Variants in HLCS observed in about 807,000 individuals in gnomAD.
HLCS encodes holocarboxylase synthetase, also known as biotin--protein ligase.
HLCS carries 53 observed loss-of-function variants against 75.0 expected under a neutral mutation model. The ratio of observed to expected loss-of-function variants is 0.71; its 90% CI spans 0.57 to 0.89. The LOEUF is 0.89. Among genes scored for constraint, HLCS ranks in the 40% least tolerant of loss-of-function variants. HLCS has a pLI of 0.00. For missense variants in HLCS, 966 were observed against 1,074.0 expected (o/e 0.90, Z 1.41); for synonymous variants, 431 against 428.6 (o/e 1.01, Z -0.07).
At chr21:36,826,374 C>T (rs771178140) in intron 6 of HLCS, among the ~76,000 whole-genome samples, 4 of 152,182 alleles carry the variant, frequency 2.6e-5, no homozygotes, top group African/African-American at 4.8e-5. Flanking sequence ...GTACTCGCTA[C>T]ACTGATGGCA....
At chr21:36,973,731 C>CT (rs2068857813) in intron 1 of HLCS, 2 of 152,336 alleles carry the variant, frequency 1.3e-5, no homozygotes, top group African/African-American at 4.8e-5. Flanking sequence ...TGGCTCATGC[C>CT]TGTAATCCCG....
rs1385743487 is a variant in HLCS, at chr21:36,754,127, G to A, written c.*119C>T. The A allele has an allele frequency of 2.7e-6, 3 of 1,108,376 alleles. No homozygotes were observed. Among genetic ancestry groups the A allele is most frequent in the Non-Finnish European group, 3.9e-6 (3 of 760,198 alleles). The allele number at this position is 1,108,376 out of a possible 1,614,324, so 68.7% of individuals were successfully genotyped here. ...AAACCTAAAAACAAACAGAAACACA[G>A]AAAAAGAACAAAGACTTAACAAATG... On this transcript the variant is annotated 3_prime_UTR_variant, in exon 11 of 11. Transcript: ENST00000674895.
intron 5 of HLCS, among the ~76,000 whole-genome samples, chr21:36,926,261 G>A (rs1282190416): frequency 4.6e-5 from 7 of 152,208 alleles, no homozygotes; most frequent in African/African-American, 1.7e-4. Context: ...ACCCACAGAA[G>A]CAAAGGGACA....
intron 5 of HLCS, among the ~76,000 whole-genome samples, chr21:36,911,748 C>CA (rs11287408): frequency 0.013 from 642 of 47,586 alleles, 9 homozygotes; most frequent in African/African-American, 0.03. Context: ...GACTCCGTCT[C>CA]AAAAAAAAAA....
chr21:36,990,160 C>T (rs952862598), exon 1 of HLCS: 2 of 152,504 alleles, frequency 1.3e-5, no homozygotes, highest in African/African-American at 4.8e-5. Flanking sequence ...CGACTTACTT[C>T]TGAGGCCGAA....
intron 6 of HLCS, among the ~76,000 whole-genome samples, chr21:36,787,518 C>T (rs1485634837): frequency 6.6e-6 from 1 of 152,146 alleles, no homozygotes; most frequent in Non-Finnish European, 1.5e-5. Flanking sequence ...TGCCATGCTG[C>T]GTGGGATGCC....
At chr21:36,984,624 CAG>C (rs1303617228) in intron 1 of HLCS, among the ~76,000 whole-genome samples, 1 of 152,096 alleles carries the variant, frequency 6.6e-6, no homozygotes, top group Non-Finnish European at 1.5e-5. Context: ...CACATGGACA[CAG>C]AGAGTGGAAT....
intron 6 of HLCS, among the ~76,000 whole-genome samples, chr21:36,835,171 A>T (rs556993470): frequency 6.6e-6 from 1 of 152,288 alleles, no homozygotes; most frequent in East Asian, 1.9e-4. Context: ...GGATTCCAAG[A>T]CGTCTGATTC....
intron 6 of HLCS, among the ~76,000 whole-genome samples, chr21:36,891,592 C>G (rs1261917602): frequency 2.0e-5 from 3 of 152,162 alleles, no homozygotes; most frequent in Non-Finnish European, 2.9e-5. Context: ...TGATCGAGTC[C>G]TGACCTTCTA....
intron 6 of HLCS, among the ~76,000 whole-genome samples, chr21:36,869,210 C>T (rs1486030441): frequency 2.0e-5 from 3 of 151,976 alleles, no homozygotes; most frequent in Admixed American, 6.6e-5. Context: ...CTGCAAGCTC[C>T]GCCTTCCAGG....
intron 6 of HLCS, among the ~76,000 whole-genome samples, chr21:36,767,535 C>G (rs139196501): frequency 1.5e-3 from 231 of 152,240 alleles, no homozygotes; most frequent in Middle Eastern, 6.8e-3. Context: ...TGCGAGGGGG[C>G]GTGTGTACCT....
intron 6 of HLCS, among the ~76,000 whole-genome samples, chr21:36,882,714 G>T (rs1359435334): frequency 6.7e-6 from 1 of 149,274 alleles, no homozygotes; most frequent in Non-Finnish European, 1.5e-5. Context: ...ACCCACCTCG[G>T]CCTCCCAAAG....
chr21:36,907,948 T>A (rs899204324), intron 5 of HLCS, among the ~76,000 whole-genome samples: 3 of 151,946 alleles, frequency 2.0e-5, no homozygotes, highest in South Asian at 2.1e-4. Flanking sequence ...TAGATACCAC[T>A]ATACATCCAC....
chr21:36,949,087 C>A (rs1019578813), intron 2 of HLCS, among the ~76,000 whole-genome samples: 1 of 152,208 alleles, frequency 6.6e-6, no homozygotes, highest in Non-Finnish European at 1.5e-5. Context: ...CCTCATCCCC[C>A]CATTCCACTG....
Position 36,930,328 on chromosome 21 carries a change from G to A in HLCS, c.1543C>T (p.Leu515=), listed in dbSNP as rs780891479. Residue 515 remains leucine, a synonymous_variant, in exon 5 of 11, where the codon CTG becomes TTG. Coordinates refer to ENST00000674895, the MANE Select transcript of HLCS (RefSeq NM_001352514.2). ...FRRYEVLREI[L]TTLGLSCDMK... Reference sequence around the variant, plus strand: ...TCACAGCTGAGGCCAAGGGTTGTCAGAATCTCTCTAAGGACTTCGTATCTT... The same window carrying A: ...TCACAGCTGAGGCCAAGGGTTGTCAAAATCTCTCTAAGGACTTCGTATCTT... 6.2e-7 allele frequency: 1 copy of A among 1,614,074 alleles called. No homozygotes were observed. Among genetic ancestry groups the A allele is most frequent in the Non-Finnish European group, 8.5e-7 (1 of 1,179,988 alleles).
intron 6 of HLCS, among the ~76,000 whole-genome samples, chr21:36,820,437 C>T (rs929313412): frequency 2.9e-4 from 44 of 152,352 alleles, no homozygotes; most frequent in African/African-American, 8.4e-4. Context: ...CCCACAGGCT[C>T]AGAAGTGCCT....
chr21:36,911,561 G>A (rs910688636), intron 5 of HLCS, among the ~76,000 whole-genome samples: 6 of 151,792 alleles, frequency 4.0e-5, no homozygotes, highest in South Asian at 2.1e-4. Flanking sequence ...TGGCTAACAC[G>A]GTGAAACCCC....
Position 36,879,995 on chromosome 21 carries a change from C to T in HLCS, c.1892+16865G>A, listed in dbSNP as rs186301399. ...TTGCCCAGTATCTGGTGCTCAGACACATCCACAACACTGCAGAGGGCATTC... is the reference window on the plus strand; with the variant it reads ...TTGCCCAGTATCTGGTGCTCAGACATATCCACAACACTGCAGAGGGCATTC... On this transcript the variant is annotated intron_variant, in intron 6 of 10. Transcript: ENST00000674895. Among the ~76,000 whole-genome samples the T allele has an allele frequency of 2.6e-5, 4 of 151,992 alleles. No homozygotes were observed. In the East Asian group the frequency reaches 7.7e-4, roughly 29 times the overall value.
chr21:36,937,297 C>T lies in HLCS; in HGVS notation c.589G>A (p.Glu197Lys), dbSNP rs2066937864. Reference protein sequence around the residue: ...ILEPKPEPSLEIKPEQDGMEH... With the variant: ...ILEPKPEPSLKIKPEQDGMEH... Reference sequence around the variant, plus strand: ...ATACCGTCCTGCTCAGGCTTAATCTCAAGAGAAGGTTCAGGCTTCGGCTCT... The same window carrying T: ...ATACCGTCCTGCTCAGGCTTAATCTTAAGAGAAGGTTCAGGCTTCGGCTCT... The change falls in exon 4 of 11, where the codon GAG becomes AAG. Residue 197 changes from glutamate (E) to lysine (K), a missense_variant. Physicochemically the swap from Glu to Lys is moderately conservative, Grantham distance 56. Coordinates refer to ENST00000674895, the MANE Select transcript of HLCS (RefSeq NM_001352514.2). 1 of 1,614,040 alleles carries T rather than the reference C, an allele frequency of 6.2e-7. No individual in the cohort carries two copies. Among genetic ancestry groups the T allele is most frequent in the African/African-American group, 1.3e-5 (1 of 74,926 alleles).
Sources: gnomAD v4.1 joint callset for allele counts (sites outside exome capture counted in the v4.1 genomes callset) on GRCh38, gnomAD v4.1.1 for gene constraint, MANE v1.5 for transcripts, NCBI Gene and HGNC (gene_info 2026-07-23, HGNC 2026-07-21) for gene names.